LRRTM4: variants seen among roughly 807,000 people sequenced by gnomAD.
LRRTM4 encodes the protein leucine-rich repeat transmembrane neuronal protein 4.
In LRRTM4, 25 loss-of-function variants were observed where a neutral mutation model predicts 47.6. The ratio of observed to expected loss-of-function variants is 0.53; its 90% CI spans 0.38 to 0.73. The LOEUF is 0.73. Among genes scored for constraint, LRRTM4 ranks in the 30% least tolerant of loss-of-function variants. The probability of loss-of-function intolerance (pLI) is 0.00; values close to 1 mark genes in which losing one functional copy is unlikely to be tolerated. For missense variants in LRRTM4, 638 were observed against 713.4 expected, an observed-to-expected ratio of 0.89 and a Z score of 1.20; for synonymous variants, 311 against 269.5, an observed-to-expected ratio of 1.15 and a Z score of -1.51.
At chr2:76,953,537 T>C (rs1406021500) in intron 3 of LRRTM4, among the ~76,000 whole-genome samples, 1 of 151,786 alleles carries the variant, frequency 6.6e-6, no homozygotes, top group East Asian at 2.0e-4. Context: ...ACATCATATA[T>C]TTCATCATTT....
intron 3 of LRRTM4, among the ~76,000 whole-genome samples, chr2:77,381,925 A>T (rs908432985): frequency 1.3e-5 from 2 of 152,110 alleles, no homozygotes; most frequent in South Asian, 4.1e-4. Flanking sequence ...AATATGGTAC[A>T]TATAATAAAT....
At chr2:77,285,511 G>T (rs1238450597) in intron 3 of LRRTM4, among the ~76,000 whole-genome samples, 1 of 151,698 alleles carries the variant, frequency 6.6e-6, no homozygotes, top group Non-Finnish European at 1.5e-5. Flanking sequence ...GGAGACTGAG[G>T]CGGGCAGATC....
intron 3 of LRRTM4, among the ~76,000 whole-genome samples, chr2:77,501,676 C>G (rs1460135026): frequency 6.6e-6 from 1 of 150,730 alleles, no homozygotes; most frequent in Non-Finnish European, 1.5e-5. Context: ...ACAATCAAAT[C>G]CTACCTAAAA....
intron 3 of LRRTM4, among the ~76,000 whole-genome samples, chr2:76,917,164 G>A (rs1674280427): frequency 6.6e-6 from 1 of 152,110 alleles, no homozygotes; most frequent in Admixed American, 6.5e-5. Flanking sequence ...TACCATTCTA[G>A]CATGAAAGTG....
chr2:76,999,121 A>C (rs1372454051), intron 3 of LRRTM4, among the ~76,000 whole-genome samples: 1 of 151,792 alleles, frequency 6.6e-6, no homozygotes, highest in Non-Finnish European at 1.5e-5. Flanking sequence ...GTGTGTGTGC[A>C]TCATGGATCT....
chr2:77,501,251 T>C (rs1040352057), intron 3 of LRRTM4, among the ~76,000 whole-genome samples: 3 of 150,818 alleles, frequency 2.0e-5, no homozygotes, highest in African/African-American at 4.8e-5. Context: ...AACTAAGCAG[T>C]ATGCCAAAAG....
chr2:76,779,385 T>C (rs1222384424), intron 3 of LRRTM4, among the ~76,000 whole-genome samples: 1 of 151,054 alleles, frequency 6.6e-6, no homozygotes, highest in African/African-American at 2.4e-5. Flanking sequence ...ATTATTAATG[T>C]ATGGGAGTCT....
chr2:77,419,543 A>G (rs548813271), intron 3 of LRRTM4, among the ~76,000 whole-genome samples: 9 of 152,336 alleles, frequency 5.9e-5, no homozygotes, highest in Non-Finnish European at 1.0e-4. Context: ...TGTATTGCTT[A>G]GGAAACAATG....
intron 3 of LRRTM4, among the ~76,000 whole-genome samples, chr2:77,042,234 G>A (rs900196144): frequency 6.6e-6 from 1 of 150,948 alleles, no homozygotes. Flanking sequence ...CATATTTAGG[G>A]GTAAGTGGAC....
Position 77,364,025 on chromosome 2 carries a change from C to T in LRRTM4, c.1551+154293G>A, listed in dbSNP as rs188465571. 7.6e-4 allele frequency among the ~76,000 whole-genome samples: 116 copies of T among 152,076 alleles called. 2 individuals carry two copies. The East Asian group carries it at 0.021, about 27-fold the overall frequency. ...TGAAGATAAATGAGCTGCATGTGTT[C>T]CCTCTCAACACACCTAAATTTGAAT... On this transcript the variant is annotated intron_variant, in intron 3 of 3. Transcript: ENST00000409884.
At chr2:77,405,017 A>T (rs1674127527) in intron 3 of LRRTM4, among the ~76,000 whole-genome samples, 1 of 152,042 alleles carries the variant, frequency 6.6e-6, no homozygotes, top group African/African-American at 2.4e-5. Context: ...TGTGATAGTC[A>T]TTTTTTAAGA....
intron 3 of LRRTM4, among the ~76,000 whole-genome samples, chr2:77,348,986 C>A (rs1057020013): frequency 2.6e-5 from 4 of 151,700 alleles, no homozygotes; most frequent in African/African-American, 4.8e-5. Flanking sequence ...AAACTGACAG[C>A]AAATATGATT....
At chr2:77,057,056 A>C (rs1160118407) in intron 3 of LRRTM4, among the ~76,000 whole-genome samples, 1 of 152,240 alleles carries the variant, frequency 6.6e-6, no homozygotes, top group African/African-American at 2.4e-5. Flanking sequence ...TTCACATTAC[A>C]ATGACAGAGT....
rs77337463 is a variant in LRRTM4, at chr2:77,160,005, T to C, written c.1551+358313A>G. ...CCTGTCTTACACTGGTTTGGAAGCA[T>C]TTATCTTCATCAAGTCATCTTCCAT... On this transcript the variant is annotated intron_variant, in intron 3 of 3. Coordinates refer to ENST00000409884, the MANE Select transcript of LRRTM4 (RefSeq NM_001134745.3). Among the ~76,000 whole-genome samples, 994 of 152,260 alleles carry C rather than the reference T, an allele frequency of 6.5e-3. 40 individuals carry two copies. The highest frequency in any genetic ancestry group is 0.053 in the Admixed American group (809 of 15,278).
intron 3 of LRRTM4, among the ~76,000 whole-genome samples, chr2:77,382,496 T>C (rs1235708758): frequency 6.6e-6 from 1 of 152,060 alleles, no homozygotes. Context: ...ACAAACATCT[T>C]ATGTCATTCT....
intron 3 of LRRTM4, among the ~76,000 whole-genome samples, chr2:76,767,184 T>C (rs571467500): frequency 3.0e-4 from 45 of 152,352 alleles, no homozygotes; most frequent in African/African-American, 1.0e-3. Flanking sequence ...GCAGTATTTC[T>C]TTCTGGCATT....
intron 3 of LRRTM4, among the ~76,000 whole-genome samples, chr2:77,042,607 G>A (rs373390255): frequency 6.6e-6 from 1 of 151,666 alleles, no homozygotes; most frequent in South Asian, 2.1e-4. Flanking sequence ...TAAAATAGAA[G>A]TTTGTTTTTA....
rs2103952670 is a variant in LRRTM4 at position 77,119,656 on chromosome 2, A to T, written c.1552-370740T>A. On this transcript the variant is annotated intron_variant, in intron 3 of 3. Transcript: ENST00000409884. ...TTCCTATAAACAAATTCAAATGATAACAAAATCATTTAGAGAATCGTAAAA... is the reference window on the plus strand; with the variant it reads ...TTCCTATAAACAAATTCAAATGATATCAAAATCATTTAGAGAATCGTAAAA... Among the ~76,000 whole-genome samples, 2 of 151,968 alleles carry T rather than the reference A, an allele frequency of 1.3e-5. 1 individual carries two copies. Among genetic ancestry groups the T allele is most frequent in the Middle Eastern group, 6.8e-3 (2 of 294 alleles).
chr2:76,783,596 C>T (rs955267007), intron 3 of LRRTM4, among the ~76,000 whole-genome samples: 1 of 152,104 alleles, frequency 6.6e-6, no homozygotes, highest in Admixed American at 6.5e-5. Flanking sequence ...TTTGAATTAA[C>T]ATGCTAATGT....
Sources: allele counts gnomAD v4.1 joint callset (sites outside exome capture counted in the v4.1 genomes callset), GRCh38; gene constraint gnomAD v4.1.1; transcripts MANE v1.5; gene names NCBI Gene and HGNC (gene_info 2026-07-23, HGNC 2026-07-21).